TTC28: variants seen among roughly 807,000 people sequenced by gnomAD.
The protein encoded by TTC28 is tetratricopeptide repeat domain 28, also known as tetratricopeptide repeat protein 28.
Under a neutral mutation model 198.0 loss-of-function variants are expected in TTC28, and 61 were observed. That is an observed-to-expected ratio of 0.31 (90% CI 0.25 to 0.38). The LOEUF (loss-of-function observed/expected upper bound fraction) is 0.38. Among genes scored for constraint, TTC28 ranks in the 10% least tolerant of loss-of-function variants. The pLI is 1.00. For missense variants in TTC28, 2,678 were observed against 3,164.0 expected, an observed-to-expected ratio of 0.85 and a Z score of 3.69; for synonymous variants, 1,171 against 1,297.8, an observed-to-expected ratio of 0.90 and a Z score of 2.10.
intron 2 of TTC28, among the ~76,000 whole-genome samples, chr22:28,558,049 T>C (rs1194784226): frequency 6.6e-6 from 1 of 152,252 alleles, no homozygotes; most frequent in Non-Finnish European, 1.5e-5. Context: ...TTTTTTTACT[T>C]TTGATAAACA....
chr22:28,335,045 A>AG (rs960869319), intron 2 of TTC28, among the ~76,000 whole-genome samples: 2 of 152,178 alleles, frequency 1.3e-5, no homozygotes, highest in African/African-American at 4.8e-5. Flanking sequence ...GGTGTAAGGA[A>AG]GGGATCCAGT....
intron 1 of TTC28, among the ~76,000 whole-genome samples, chr22:28,650,520 A>C (rs1479207275): frequency 6.6e-6 from 1 of 152,232 alleles, no homozygotes; most frequent in Non-Finnish European, 1.5e-5. Flanking sequence ...AATCAGGGAT[A>C]AGCTATTTTT....
chr22:28,321,000 T>C (rs2045437585), intron 2 of TTC28, among the ~76,000 whole-genome samples: 1 of 152,222 alleles, frequency 6.6e-6, no homozygotes, highest in Non-Finnish European at 1.5e-5. Context: ...GGTTTTATTT[T>C]ATTTTTATTT....
intron 2 of TTC28, among the ~76,000 whole-genome samples, chr22:28,612,978 A>G (rs1285700936): frequency 6.6e-6 from 1 of 152,208 alleles, no homozygotes; most frequent in African/African-American, 2.4e-5. Flanking sequence ...GAAATAACTA[A>G]GATCAGAGCA....
At chr22:28,332,660 G>A (rs1267011486) in intron 2 of TTC28, among the ~76,000 whole-genome samples, 3 of 152,068 alleles carry the variant, frequency 2.0e-5, no homozygotes, top group African/African-American at 7.2e-5. Flanking sequence ...TAGGCTCAGA[G>A]CAATGAAACA....
intron 5 of TTC28, among the ~76,000 whole-genome samples, chr22:28,291,308 A>G (rs2044784244): frequency 1.3e-5 from 2 of 152,174 alleles, no homozygotes. Context: ...AAAGTGCCTA[A>G]CAGCTCAGTG....
At chr22:28,084,332 G>A (rs1248493766) in intron 12 of TTC28, among the ~76,000 whole-genome samples, 1 of 152,174 alleles carries the variant, frequency 6.6e-6, no homozygotes, top group Non-Finnish European at 1.5e-5. Flanking sequence ...GAATGAACAG[G>A]CAGCAGCATT....
chr22:28,497,116 T>C (rs1278702787), intron 2 of TTC28, among the ~76,000 whole-genome samples: 1 of 152,198 alleles, frequency 6.6e-6, no homozygotes, highest in Non-Finnish European at 1.5e-5. Context: ...TTTCTTGCTT[T>C]ATTATTCTCC....
chr22:28,153,921 A>G (rs187393786), intron 6 of TTC28, among the ~76,000 whole-genome samples: 15 of 152,316 alleles, frequency 9.8e-5, no homozygotes, highest in Middle Eastern at 6.8e-3. Flanking sequence ...AGAGGCGATC[A>G]GGCCTGAAAC....
chr22:28,640,756 T>C (rs2051351604), intron 1 of TTC28, among the ~76,000 whole-genome samples: 4 of 152,102 alleles, frequency 2.6e-5, no homozygotes. Context: ...GGAATATTCA[T>C]ACATTACTCA....
intron 6 of TTC28, among the ~76,000 whole-genome samples, chr22:28,157,101 A>G (rs1284781255): frequency 6.6e-6 from 1 of 152,232 alleles, no homozygotes; most frequent in Non-Finnish European, 1.5e-5. Flanking sequence ...ATCAGAAATG[A>G]AAAATGAGAC....
rs1936998861 is a variant in TTC28, at chr22:27,981,212, A to G, written c.*1009T>C. 1 of 132,838 alleles carries G rather than the reference A, an allele frequency of 7.5e-6. No homozygotes were observed. Among genetic ancestry groups the G allele is most frequent in the African/African-American group, 2.8e-5 (1 of 35,844 alleles). The allele number at this position is 132,838 out of a possible 1,614,324, so 8.2% of individuals were successfully genotyped here. On this transcript the variant is annotated 3_prime_UTR_variant, in exon 23 of 23. Coordinates refer to ENST00000397906, the MANE Select transcript of TTC28 (RefSeq NM_001145418.2). Reference sequence around the variant, plus strand: ...GCCTGGAAGGCGGGATTCTGGTTAAATCTAGTTAGCCATGGAAATTTTTTT... The same window carrying G: ...GCCTGGAAGGCGGGATTCTGGTTAAGTCTAGTTAGCCATGGAAATTTTTTT...
At chr22:28,672,384 T>A (rs1382357565) in intron 1 of TTC28, among the ~76,000 whole-genome samples, 1 of 152,022 alleles carries the variant, frequency 6.6e-6, no homozygotes, top group Non-Finnish European at 1.5e-5. Flanking sequence ...GCCAGGCTGG[T>A]CTTGAACTCC....
intron 6 of TTC28, among the ~76,000 whole-genome samples, chr22:28,148,650 T>C (rs1361274619): frequency 6.6e-6 from 1 of 151,646 alleles, no homozygotes; most frequent in Non-Finnish European, 1.5e-5. Context: ...AGCTTCTATA[T>C]ACAATTCTCT....
chr22:28,556,466 C>T (rs1250009694), intron 2 of TTC28, among the ~76,000 whole-genome samples: 1 of 152,236 alleles, frequency 6.6e-6, no homozygotes. Flanking sequence ...GATACTATAG[C>T]TTCCACGTTT....
Position 27,982,429 on chromosome 22 carries a change from A to G in TTC28, c.7238T>C (p.Leu2413Pro). The change falls in exon 23 of 23, where the codon CTG becomes CCG. Residue 2413 changes from leucine to proline, a missense_variant. By Grantham distance (98) the Leu-to-Pro change is moderately conservative. Around this residue, in one of 8 missense-constraint regions of TTC28, gnomAD observed 622 missense variants for 656.0 expected, o/e 0.95. Transcript: ENST00000397906. This position sits in a 1 kb window ranked among gnomAD's most constrained non-coding sequence, Gnocchi z 5.2. ...ATGCTGCTGCAGGGACAGCTCCTTC[A>G]GTTCAAGCTTATCCACTCCCTCCTC... Reference protein sequence around the residue: ...KKEEGVDKLELKELSLQQHDG... With the variant: ...KKEEGVDKLEPKELSLQQHDG... 1 of 1,551,432 alleles carries G rather than the reference A, an allele frequency of 6.4e-7. No homozygotes were observed. Among genetic ancestry groups the G allele is most frequent in the Non-Finnish European group, 8.7e-7 (1 of 1,146,948 alleles).
chr22:28,434,101 T>A (rs16986425), intron 2 of TTC28, among the ~76,000 whole-genome samples: 2,416 of 152,110 alleles, frequency 0.016, 85 homozygotes, highest in African/African-American at 0.056. Flanking sequence ...TGAATTTACA[T>A]GACAACAGTA....
chr22:28,137,086 AACTG>A (rs950128143), intron 6 of TTC28, among the ~76,000 whole-genome samples: 1 of 152,176 alleles, frequency 6.6e-6, no homozygotes, highest in Non-Finnish European at 1.5e-5. Context: ...GTTAGCCTCA[AACTG>A]ACTGGCCACT....
rs531430419 is a variant in TTC28, at chr22:28,503,964, T to C, written c.381+125588A>G. ...ATACACCAGCTAAAGAATGGATCAATAGTGAAAGATGAGCTTCTCCAATTC... is the reference window on the plus strand; with the variant it reads ...ATACACCAGCTAAAGAATGGATCAACAGTGAAAGATGAGCTTCTCCAATTC... On this transcript the variant is annotated intron_variant, in intron 2 of 22. Transcript: ENST00000397906. Among the ~76,000 whole-genome samples the C allele has an allele frequency of 3.3e-5, 5 of 152,298 alleles. No individual in the cohort carries two copies. In the South Asian group the frequency reaches 8.3e-4, roughly 25 times the overall value.
Sources: gnomAD v4.1 joint callset for allele counts (sites outside exome capture counted in the v4.1 genomes callset) on GRCh38, gnomAD v4.1.1 for gene constraint, gnomAD v4.1.1 regional missense constraint, Gnocchi (gnomAD v3.1) non-coding constraint, MANE v1.5 for transcripts, NCBI Gene and HGNC (gene_info 2026-07-23, HGNC 2026-07-21) for gene names.